Variants in SLC35D2 observed in about 807,000 individuals in gnomAD.
SLC35D2 encodes the protein solute carrier family 35 member D2.
In SLC35D2, 43 loss-of-function variants were observed where a neutral mutation model predicts 41.8. That is an observed-to-expected ratio of 1.03 (90% confidence interval 0.81 to 1.33). The LOEUF (loss-of-function observed/expected upper bound fraction) is 1.33, where lower values mean the gene tolerates loss of function less well. Among genes scored for constraint, SLC35D2 ranks in the 40% most tolerant of loss-of-function variants. The pLI, the probability that SLC35D2 is intolerant of heterozygous loss-of-function variation, is 0.00. For synonymous variants in SLC35D2, 150 were observed against 163.9 expected, an observed-to-expected ratio of 0.92 and a Z score of 0.65; for missense variants, 380 against 408.4, an observed-to-expected ratio of 0.93 and a Z score of 0.60.
intron 5 of SLC35D2, among the ~76,000 whole-genome samples, chr9:96,351,536 T>A (rs1201986937): frequency 6.6e-6 from 1 of 151,998 alleles, no homozygotes; most frequent in Non-Finnish European, 1.5e-5. Flanking sequence ...CCAACCAAAA[T>A]TCATTTCTAA....
chr9:96,317,407 T>A (rs2130816573), downstream of SLC35D2, among the ~76,000 whole-genome samples: 1 of 152,200 alleles, frequency 6.6e-6, no homozygotes. Flanking sequence ...CACCCCCAAC[T>A]AACCTTAGTT....
rs1482202281 is a variant in SLC35D2, at chr9:96,332,986, A to G, written c.752+3731T>C. ...CGATCTCGGCTCACTGCAACCTCCA[A>G]CTCTGTGGTTCAAGTGATTCTCCTG... is the stretch of plus-strand genomic sequence containing the variant. On this transcript the variant is annotated intron_variant, in intron 9 of 11. Transcript: ENST00000253270. Among the ~76,000 whole-genome samples the G allele has an allele frequency of 2.0e-5, 3 of 149,928 alleles. No homozygotes were observed. The East Asian group carries it at 6.3e-4, about 31-fold the overall frequency.
chr9:96,348,360 C>T (rs1354863283), intron 6 of SLC35D2, among the ~76,000 whole-genome samples: 2 of 152,180 alleles, frequency 1.3e-5, no homozygotes, highest in Non-Finnish European at 2.9e-5. Flanking sequence ...AAGGAAGTGC[C>T]CTCTGAGGCA....
chr9:96,368,857 T>C (rs7856267), intron 1 of SLC35D2, among the ~76,000 whole-genome samples: 43,155 of 151,586 alleles, frequency 0.28, 8,446 homozygotes, highest in African/African-American at 0.56. Flanking sequence ...CTCCACCTCC[T>C]GGGTTCAAGC....
At chr9:96,329,543 T>C in intron 9 of SLC35D2, among the ~76,000 whole-genome samples, 1 of 152,202 alleles carries the variant, frequency 6.6e-6, no homozygotes, top group Non-Finnish European at 1.5e-5. Context: ...TTCTTGTATT[T>C]CTCACCTGCA....
intron 11 of SLC35D2, 65 bp downstream of exon 11, chr9:96,321,933 A>G: frequency 2.2e-6 from 2 of 923,916 alleles, no homozygotes; most frequent in Non-Finnish European, 1.7e-6. Flanking sequence ...TGCTTATTAC[A>G]TATTAATCAG....
intron 4 of SLC35D2, among the ~76,000 whole-genome samples, chr9:96,353,653 A>G (rs1469003652): frequency 6.6e-6 from 1 of 152,192 alleles, no homozygotes; most frequent in Non-Finnish European, 1.5e-5. Flanking sequence ...GCTGAAAATG[A>G]GTATTTAAAA....
intron 9 of SLC35D2, among the ~76,000 whole-genome samples, chr9:96,335,092 CTT>C (rs951120977): frequency 6.6e-6 from 1 of 152,088 alleles, no homozygotes; most frequent in African/African-American, 2.4e-5. Context: ...CAGGAGTTGT[CTT>C]TGTTCATTTA....
intron 1 of SLC35D2, among the ~76,000 whole-genome samples, chr9:96,370,124 A>G (rs1830619564): frequency 6.6e-6 from 1 of 152,054 alleles, no homozygotes; most frequent in Non-Finnish European, 1.5e-5. Flanking sequence ...TGGTCTCTGC[A>G]GGGGTATAAC....
At chr9:96,322,621 C>T (rs1364519332) in intron 10 of SLC35D2, among the ~76,000 whole-genome samples, 1 of 152,008 alleles carries the variant, frequency 6.6e-6, no homozygotes, top group Non-Finnish European at 1.5e-5. Context: ...CTCTCTTGAT[C>T]CAGTTGGCAT....
chr9:96,349,432 T>C (rs1224131046), intron 6 of SLC35D2, among the ~76,000 whole-genome samples: 1 of 152,128 alleles, frequency 6.6e-6, no homozygotes, highest in Non-Finnish European at 1.5e-5. Context: ...TGCACCCCAC[T>C]GGGTCACTGG....
chr9:96,329,019 C>T (rs7856969), intron 9 of SLC35D2, among the ~76,000 whole-genome samples: 5,296 of 148,368 alleles, frequency 0.036, 313 homozygotes, highest in African/African-American at 0.13. Flanking sequence ...ACCCAGGAGG[C>T]GGAGGTTGCA....
At chr9:96,315,126 AC>A (rs1828019240) in intron 11 of SLC35D2, among the ~76,000 whole-genome samples, 1 of 152,032 alleles carries the variant, frequency 6.6e-6, no homozygotes, top group African/African-American at 2.4e-5. Flanking sequence ...CTTTTCATAG[AC>A]TTTTTCTTTA....
intron 3 of SLC35D2, among the ~76,000 whole-genome samples, chr9:96,362,008 C>A (rs1412461085): frequency 6.6e-6 from 1 of 152,108 alleles, no homozygotes; most frequent in Non-Finnish European, 1.5e-5. Flanking sequence ...ATTTTTCTAG[C>A]CCTCAAACTG....
chr9:96,365,358 C>CA (rs951601365), intron 2 of SLC35D2, among the ~76,000 whole-genome samples: 2,286 of 128,906 alleles, frequency 0.018, 32 homozygotes, highest in African/African-American at 0.048. Context: ...GACTCTATCT[C>CA]AAAAAAAAAA....
At chr9:96,381,713 T>C (rs1831206195) in intron 1 of SLC35D2, among the ~76,000 whole-genome samples, 1 of 152,218 alleles carries the variant, frequency 6.6e-6, no homozygotes, top group Admixed American at 6.5e-5. Context: ...TTCACTTCTC[T>C]TTCCCAAGAA....
At chr9:96,358,010 A>G (rs1830097315) in intron 4 of SLC35D2, among the ~76,000 whole-genome samples, 1 of 151,304 alleles carries the variant, frequency 6.6e-6, no homozygotes, top group African/African-American at 2.4e-5. Flanking sequence ...ACTGCATTCC[A>G]GCCTGGAGAC....
At chr9:96,366,401 G>C (rs904678489) in intron 2 of SLC35D2, among the ~76,000 whole-genome samples, 1 of 151,694 alleles carries the variant, frequency 6.6e-6, no homozygotes, top group African/African-American at 2.4e-5. Flanking sequence ...GATCTAACTG[G>C]CCTCTTCCCT....
chr9:96,332,439 T>A (rs560476443), intron 9 of SLC35D2, among the ~76,000 whole-genome samples: 1 of 152,110 alleles, frequency 6.6e-6, no homozygotes, highest in East Asian at 1.9e-4. Flanking sequence ...AAAATGGAAG[T>A]CTCCTTGCAG....
Sources: allele counts gnomAD v4.1 joint callset (sites outside exome capture counted in the v4.1 genomes callset), GRCh38; gene constraint gnomAD v4.1.1; transcripts MANE v1.5; gene names NCBI Gene and HGNC (gene_info 2026-07-23, HGNC 2026-07-21).